TINAG: variants seen among roughly 807,000 people sequenced by gnomAD.
The protein encoded by TINAG is tubulointerstitial nephritis antigen.
A neutral mutation model predicts 72.7 loss-of-function variants in TINAG; 83 were observed. That is an observed-to-expected ratio of 1.14 (90% CI 0.96 to 1.37). The LOEUF is 1.37. TINAG is among the 40% of genes most tolerant of loss of function. TINAG has a pLI of 0.00. For synonymous variants in TINAG, 234 were observed against 189.9 expected, an observed-to-expected ratio of 1.23 and a Z score of -1.91; for missense variants, 685 against 576.6, an observed-to-expected ratio of 1.19 and a Z score of -1.93.
In TINAG at chr6:54,377,282, C is replaced by T. The variant is rs116912134; in HGVS notation, c.1251-3244C>T. Among the ~76,000 whole-genome samples the T allele has an allele frequency of 1.6e-4, 24 of 151,980 alleles. No individual in the cohort carries two copies. The East Asian group carries it at 3.7e-3, about 23-fold the overall frequency. On this transcript the variant is annotated intron_variant, in intron 9 of 10. Coordinates refer to ENST00000259782, the MANE Select transcript of TINAG (RefSeq NM_014464.4). ...ATCCCAGCACTTTGGGAGGCCGAGG[C>T]GGGAGTATCACTTGAGGTCAGGAGT...
chr6:54,385,900 T>TTTG (rs1764086330), intron 10 of TINAG, among the ~76,000 whole-genome samples: 1 of 143,478 alleles, frequency 7.0e-6, no homozygotes, highest in African/African-American at 2.6e-5. Context: ...TTTTTTTTTT[T>TTTG]TTTTCAGACG....
At chr6:54,332,846 G>A (rs187879977) in intron 4 of TINAG, among the ~76,000 whole-genome samples, 206 of 152,314 alleles carry the variant, frequency 1.4e-3, no homozygotes, top group African/African-American at 4.8e-3. Flanking sequence ...CATTTATGCA[G>A]CCAACAAACA....
rs546968506 is a variant in TINAG, at chr6:54,378,915, C to T, written c.1251-1611C>T. ...ACTCTCATGCCAAAGGATCCAAATA[C>T]ATTATATTTTGTGTGTGTGTGTCCC... On this transcript the variant is annotated intron_variant, in intron 9 of 10. Coordinates refer to ENST00000259782, the MANE Select transcript of TINAG (RefSeq NM_014464.4). 1.1e-3 allele frequency among the ~76,000 whole-genome samples: 163 copies of T among 152,174 alleles called. 1 individual carries two copies. The highest frequency in any genetic ancestry group is 1.8e-4 in the Non-Finnish European group (12 of 67,996).
At chr6:54,363,323 G>A (rs754406773) in intron 9 of TINAG, among the ~76,000 whole-genome samples, 8 of 151,534 alleles carry the variant, frequency 5.3e-5, no homozygotes, top group Non-Finnish European at 7.4e-5. Flanking sequence ...ATTGCTCTGA[G>A]TATAAAGAGA....
At chr6:54,384,125 T>C (rs1323711641) in intron 10 of TINAG, among the ~76,000 whole-genome samples, 1 of 152,150 alleles carries the variant, frequency 6.6e-6, no homozygotes, top group African/African-American at 2.4e-5. Flanking sequence ...ACACTACATG[T>C]TCTCACTCGT....
At chr6:54,352,334 T>C (rs926909021) in intron 8 of TINAG, among the ~76,000 whole-genome samples, 4 of 151,846 alleles carry the variant, frequency 2.6e-5, no homozygotes, top group Non-Finnish European at 5.9e-5. Context: ...TATAATTGTG[T>C]TGGATGAATT....
At chr6:54,312,743 A>G (rs554077880) in intron 1 of TINAG, among the ~76,000 whole-genome samples, 1 of 152,340 alleles carries the variant, frequency 6.6e-6, no homozygotes, top group African/African-American at 2.4e-5. Context: ...TTAAAAATCC[A>G]GATGTTTAGC....
At chr6:54,379,014 C>T (rs1249394143) in intron 9 of TINAG, among the ~76,000 whole-genome samples, 1 of 152,078 alleles carries the variant, frequency 6.6e-6, no homozygotes, top group East Asian at 1.9e-4. Flanking sequence ...ATTCTGTGCC[C>T]TATTAAAAAT....
In TINAG at chr6:54,322,026, G is replaced by A. The variant is rs771121000; in HGVS notation, c.509+640G>A. ...AAATTAAGATGTAGGCACTGGCCCG[G>A]CGAGGTGGCTTATGCCTGTAATCCC... On this transcript the variant is annotated intron_variant, in intron 3 of 10. Coordinates refer to ENST00000259782, the MANE Select transcript of TINAG (RefSeq NM_014464.4). Among the ~76,000 whole-genome samples the A allele has an allele frequency of 4.7e-4, 71 of 152,162 alleles. 1 individual carries two copies. Among genetic ancestry groups the A allele is most frequent in the Non-Finnish European group, 1.0e-4 (7 of 68,036 alleles).
At chr6:54,345,875 T>G (rs901316336) in intron 5 of TINAG, among the ~76,000 whole-genome samples, 4 of 152,058 alleles carry the variant, frequency 2.6e-5, no homozygotes, top group African/African-American at 9.7e-5. Flanking sequence ...ATTAAATGAA[T>G]TATTTTATAA....
chr6:54,343,658 T>G (rs1029951420), intron 5 of TINAG, among the ~76,000 whole-genome samples: 1 of 151,804 alleles, frequency 6.6e-6, no homozygotes, highest in African/African-American at 2.4e-5. Flanking sequence ...AGGATTAAGG[T>G]TCTTTTTCAT....
At chr6:54,369,087 GC>G (rs1262730944) in intron 9 of TINAG, among the ~76,000 whole-genome samples, 1 of 151,796 alleles carries the variant, frequency 6.6e-6, no homozygotes, top group Non-Finnish European at 1.5e-5. Context: ...TTGCAAAGTA[GC>G]CCTAGAATTC....
chr6:54,366,915 A>G (rs903763951), intron 9 of TINAG: 1 of 151,658 alleles, frequency 6.6e-6, no homozygotes, highest in Non-Finnish European at 1.5e-5. Context: ...CTTATGAGTA[A>G]GTGTAGAGCA....
At chr6:54,327,738 A>T (rs1035045617) in intron 4 of TINAG, among the ~76,000 whole-genome samples, 1 of 152,090 alleles carries the variant, frequency 6.6e-6, no homozygotes. Flanking sequence ...AGCAGTCTGA[A>T]ATTGACCTGG....
chr6:54,339,300 G>T (rs1784942521), intron 4 of TINAG, among the ~76,000 whole-genome samples: 1 of 152,156 alleles, frequency 6.6e-6, no homozygotes, highest in Non-Finnish European at 1.5e-5. Context: ...TGTGGTGCTG[G>T]ATACCCACAC....
intron 9 of TINAG, among the ~76,000 whole-genome samples, chr6:54,376,981 T>A (rs1763803079): frequency 1.3e-5 from 2 of 152,112 alleles, no homozygotes; most frequent in South Asian, 4.1e-4. Flanking sequence ...GGCTAAGAGC[T>A]GCCCAGATTT....
chr6:54,388,566 G>C (rs1036654093), intron 10 of TINAG, among the ~76,000 whole-genome samples: 6 of 152,198 alleles, frequency 3.9e-5, no homozygotes, highest in Middle Eastern at 3.4e-3. Context: ...TCCCAGGGTA[G>C]GGTAAATGGG....
chr6:54,328,101 T>C (rs990939681), intron 4 of TINAG, among the ~76,000 whole-genome samples: 1 of 152,128 alleles, frequency 6.6e-6, no homozygotes, highest in Admixed American at 6.6e-5. Context: ...TATCCTAGCA[T>C]GGTGCTTGAG....
chr6:54,327,175 A>G, intron 4 of TINAG: 1 of 1,544,970 alleles, frequency 6.5e-7, no homozygotes, highest in Non-Finnish European at 8.7e-7. Flanking sequence ...TGGCCGATCA[A>G]GAACAGCTCT....
Sources: allele counts gnomAD v4.1 joint callset (sites outside exome capture counted in the v4.1 genomes callset), GRCh38; gene constraint gnomAD v4.1.1; transcripts MANE v1.5; gene names NCBI Gene and HGNC (gene_info 2026-07-23, HGNC 2026-07-21).